The following ACOT13 variants were observed in gnomAD, a reference collection of about 807,000 sequenced individuals.
ACOT13 encodes the protein acyl-CoA thioesterase 13.
ACOT13 carries 10 observed loss-of-function variants against 11.8 expected under a neutral mutation model. The ratio of observed to expected loss-of-function variants is 0.85; its 90% confidence interval spans 0.53 to 1.44. The LOEUF is 1.44. Among genes scored for constraint, ACOT13 ranks in the 40% most tolerant of loss-of-function variants. The probability of loss-of-function intolerance (pLI) is 0.00; values close to 1 mark genes in which losing one functional copy is unlikely to be tolerated. For missense variants in ACOT13, 172 were observed against 174.1 expected, an observed-to-expected ratio of 0.99 and a Z score of 0.07; for synonymous variants, 53 against 61.0, an observed-to-expected ratio of 0.87 and a Z score of 0.61.
At chr6:24,690,750 A>G (rs1299642004) in intron 1 of ACOT13, among the ~76,000 whole-genome samples, 1 of 151,916 alleles carries the variant, frequency 6.6e-6, no homozygotes, top group East Asian at 1.9e-4. Flanking sequence ...AACTCTTGTT[A>G]TTTTTGGCCT....
intron 1 of ACOT13, among the ~76,000 whole-genome samples, chr6:24,690,579 T>C (rs1778704637): frequency 1.3e-5 from 2 of 152,206 alleles, no homozygotes; most frequent in Non-Finnish European, 2.9e-5. Context: ...ATAGTAATTG[T>C]TTTTATTCTT....
chr6:24,691,194 T>C (rs948656113), intron 1 of ACOT13, among the ~76,000 whole-genome samples: 4 of 152,216 alleles, frequency 2.6e-5, no homozygotes, highest in South Asian at 2.1e-4. Context: ...CATATTGTTA[T>C]AGAATGCTCC....
intron 1 of ACOT13, among the ~76,000 whole-genome samples, chr6:24,679,288 G>A (rs558494224): frequency 3.9e-4 from 60 of 152,080 alleles, no homozygotes; most frequent in Admixed American, 5.2e-4. Flanking sequence ...ATAAAAAACC[G>A]AGGTTGCCAA....
At chr6:24,699,499 C>T (rs577368627) in intron 2 of ACOT13, among the ~76,000 whole-genome samples, 258 of 152,300 alleles carry the variant, frequency 1.7e-3, no homozygotes, top group Non-Finnish European at 3.0e-3. Flanking sequence ...CGTGAGCCAC[C>T]GCGCCCAGCC....
intron 1 of ACOT13, among the ~76,000 whole-genome samples, chr6:24,693,151 A>G (rs1197018469): frequency 2.0e-5 from 3 of 152,236 alleles, no homozygotes; most frequent in African/African-American, 4.8e-5. Context: ...ATGGTCAGGG[A>G]AAATTGCTTG....
At chr6:24,675,832 T>C (rs1778444974) in intron 1 of ACOT13, among the ~76,000 whole-genome samples, 1 of 152,238 alleles carries the variant, frequency 6.6e-6, no homozygotes, top group Admixed American at 6.5e-5. Context: ...TGTCTAGGTT[T>C]TCTTCTAGGG....
chr6:24,668,052 G>T lies in ACOT13; in HGVS notation c.81+708G>T, dbSNP rs2127620078. 2.0e-5 allele frequency among the ~76,000 whole-genome samples: 3 copies of T among 152,050 alleles called. No individual in the cohort carries two copies. The Middle Eastern group carries it at 0.01, about 517-fold the overall frequency. On this transcript the variant is annotated intron_variant, in intron 1 of 2. Transcript: ENST00000230048. ...GCCTCCCGAGTGGCTGGGATTACAG[G>T]CATGCGCCACCATGCCCAGCTAATA...
At position 24,667,221 on chromosome 6, in the gene ACOT13, G is replaced by T. The variant is rs200293826; in HGVS notation, c.-43G>T. On this transcript the variant is annotated 5_prime_UTR_variant, in exon 1 of 3. Transcript: ENST00000230048. ...TTCTGGACTTTCCAGCTCTTCCGAAGTTCGTTCTTGCGCAAAGCCCAAAGG... is the reference window on the plus strand; with the variant it reads ...TTCTGGACTTTCCAGCTCTTCCGAATTTCGTTCTTGCGCAAAGCCCAAAGG... 3.5e-5 allele frequency: 56 copies of T among 1,594,444 alleles called. No individual in the cohort carries two copies. The East Asian group carries it at 1.2e-3, about 35-fold the overall frequency.
At chr6:24,673,152 A>C (rs1778389491) in intron 1 of ACOT13, among the ~76,000 whole-genome samples, 1 of 152,238 alleles carries the variant, frequency 6.6e-6, no homozygotes, top group Admixed American at 6.5e-5. Flanking sequence ...AAACATAGGA[A>C]TTATTTCAAC....
chr6:24,692,504 C>T (rs1285316490), intron 1 of ACOT13, among the ~76,000 whole-genome samples: 1 of 152,092 alleles, frequency 6.6e-6, no homozygotes, highest in Non-Finnish European at 1.5e-5. Context: ...GTAACCTTGA[C>T]CTCTTGGGCT....
rs146868421 is a variant in ACOT13 at position 24,677,492 on chromosome 6, A to G, written c.81+10148A>G. 3.9e-5 allele frequency among the ~76,000 whole-genome samples: 6 copies of G among 152,272 alleles called. No homozygotes were observed. In the East Asian group the frequency reaches 7.7e-4, roughly 20 times the overall value. ...CCACTACCCGTAAACAATGAGGCCA[A>G]CCCTTTGCCAGTACATCAATTTCCT... On this transcript the variant is annotated intron_variant, in intron 1 of 2. Coordinates refer to ENST00000230048, the MANE Select transcript of ACOT13 (RefSeq NM_018473.4).
chr6:24,701,728 T>C lies in ACOT13; in HGVS notation c.*113T>C, dbSNP rs1489932336. The C allele has an allele frequency of 3.4e-6, 4 of 1,180,344 alleles. No homozygotes were observed. Among genetic ancestry groups the C allele is most frequent in the Middle Eastern group, 3.1e-4 (1 of 3,214 alleles). 73.1% of individuals were successfully genotyped at this position (1,180,344 alleles called of 1,614,324 possible). A position where few individuals can be genotyped will look rare whatever the true frequency, so the allele number is the denominator to read the frequency against. On this transcript the variant is annotated 3_prime_UTR_variant, in exon 3 of 3. Coordinates refer to ENST00000230048, the MANE Select transcript of ACOT13 (RefSeq NM_018473.4). ...GCAAAACCAGAAGCAGCTAGAAATA[T>C]TCTTGGAGGAAAAGGACCTGGATAT... is the stretch of plus-strand genomic sequence containing the variant.
chr6:24,671,768 G>A (rs1388342467), intron 1 of ACOT13, among the ~76,000 whole-genome samples: 1 of 152,108 alleles, frequency 6.6e-6, no homozygotes, highest in African/African-American at 2.4e-5. Flanking sequence ...GCAGCCATAG[G>A]CAAAGACACA....
At chr6:24,691,685 G>GA (rs1182918569) in intron 1 of ACOT13, among the ~76,000 whole-genome samples, 1 of 152,164 alleles carries the variant, frequency 6.6e-6, no homozygotes, top group East Asian at 1.9e-4. Flanking sequence ...AGTGTTCCAG[G>GA]AAGGGGAACA....
intron 1 of ACOT13, among the ~76,000 whole-genome samples, chr6:24,670,442 G>A (rs1159091507): frequency 6.6e-6 from 1 of 152,202 alleles, no homozygotes; most frequent in African/African-American, 2.4e-5. Context: ...ACCCTGTACA[G>A]GGACTTTGTA....
At position 24,668,802 on chromosome 6, in the gene ACOT13, G is replaced by T. The variant is rs192219140; in HGVS notation, c.81+1458G>T. 7.0e-5 allele frequency among the ~76,000 whole-genome samples: 9 copies of T among 129,068 alleles called. No individual in the cohort carries two copies. In the East Asian group the frequency reaches 1.8e-3, roughly 26 times the overall value. 84.7% of individuals were successfully genotyped at this position (129,068 alleles called of 152,430 possible). ...GGGAAGATCTGATTGGTTGCAGAAA[G>T]AATAATTTTTTTTAAGGGATAACTT... On this transcript the variant is annotated intron_variant, in intron 1 of 2. Coordinates refer to ENST00000230048, the MANE Select transcript of ACOT13 (RefSeq NM_018473.4).
chr6:24,701,380 T>A, intron 2 of ACOT13, 79 bp from the exon 3 acceptor site: 1 of 1,312,302 alleles, frequency 7.6e-7, no homozygotes, highest in African/African-American at 1.5e-5. Flanking sequence ...ATAAGTTACA[T>A]AGGAACACTG....
chr6:24,682,551 T>G (rs1357506087), intron 1 of ACOT13, among the ~76,000 whole-genome samples: 1 of 152,182 alleles, frequency 6.6e-6, no homozygotes, highest in Non-Finnish European at 1.5e-5. Flanking sequence ...GGCACTTAGC[T>G]GTGCAGGAAC....
rs1054948057 is a variant in ACOT13, at chr6:24,667,255, C to A, written c.-9C>A. 1 of 1,613,770 alleles carries A rather than the reference C, an allele frequency of 6.2e-7. No homozygotes were observed. Among genetic ancestry groups the A allele is most frequent in the African/African-American group, 1.3e-5 (1 of 74,910 alleles). ...TGCGCAAAGCCCAAAGGCTGGAAAA[C>A]CGTCCACGATGACCAGCATGACTCA... is the stretch of plus-strand genomic sequence containing the variant. On this transcript the variant is annotated 5_prime_UTR_variant, in exon 1 of 3. Transcript: ENST00000230048.
Sources: gnomAD v4.1 joint callset for allele counts (sites outside exome capture counted in the v4.1 genomes callset) on GRCh38, gnomAD v4.1.1 for gene constraint, MANE v1.5 for transcripts, NCBI Gene and HGNC (gene_info 2026-07-23, HGNC 2026-07-21) for gene names.